CDCA2: variants seen among roughly 807,000 people sequenced by gnomAD.
CDCA2 encodes the protein cell division cycle associated 2.
CDCA2 carries 44 observed loss-of-function variants against 67.0 expected under a neutral mutation model. The ratio of observed to expected loss-of-function variants is 0.66; its 90% CI spans 0.52 to 0.84. CDCA2 has a LOEUF of 0.84. CDCA2 is among the 40% of genes least tolerant of loss of function. The pLI is 0.00. For missense variants in CDCA2, 1,253 were observed against 1,203.2 expected (o/e 1.04, Z -0.61); for synonymous variants, 447 against 418.7 (o/e 1.07, Z -0.82).
Position 25,488,672 on chromosome 8 carries a change from C to A in CDCA2, c.1654C>A (p.Leu552Ile). 1 of 1,607,870 alleles carries A rather than the reference C, an allele frequency of 6.2e-7. No homozygotes were observed. The highest frequency in any genetic ancestry group is 8.5e-7 in the Non-Finnish European group (1 of 1,177,912). ...AGAAACAAAGTGTACAAAGAGAGCACTTCCTAAGAAGAGTCAGGTAAGCAT... is the reference window on the plus strand; with the variant it reads ...AGAAACAAAGTGTACAAAGAGAGCAATTCCTAAGAAGAGTCAGGTAAGCAT... ...SQETKCTKRA[L>I]PKKSQVLKSC... The change falls in exon 13 of 15, where the codon CTT (leucine) becomes ATT (isoleucine). Residue 552 changes from leucine (L) to isoleucine (I), a missense_variant. Coordinates refer to ENST00000330560, the MANE Select transcript of CDCA2 (RefSeq NM_152562.4).
At chr8:25,465,562 T>A (rs551339920) in intron 4 of CDCA2, among the ~76,000 whole-genome samples, 1 of 152,304 alleles carries the variant, frequency 6.6e-6, no homozygotes, top group South Asian at 2.1e-4. Context: ...AGAGCTTCTG[T>A]GCTTATACCA....
At position 25,469,939 on chromosome 8, in the gene CDCA2, A is replaced by C. The variant is rs752880487; in HGVS notation, c.779A>C (p.Glu260Ala). Reference protein sequence around the residue: ...LGSTQSGFLVEESLPLSELTE... With the variant: ...LGSTQSGFLVAESLPLSELTE... ...TCAACACAGTCTGGATTTTTAGTTG[A>C]AGAGTCTCTTCCCCTTTCAGAGCTC... Residue 260 changes from glutamate (E) to alanine (A), a missense_variant, in exon 7 of 15, where the codon GAA becomes GCA. Physicochemically the swap from Glu to Ala is moderately radical, Grantham distance 107 (BLOSUM62 -1). Transcript: ENST00000330560. 6.2e-7 allele frequency: 1 copy of C among 1,612,090 alleles called. No individual in the cohort carries two copies.
intron 13 of CDCA2, among the ~76,000 whole-genome samples, chr8:25,494,412 C>T (rs6557845): frequency 0.96 from 146,527 of 152,338 alleles, 70,693 homozygotes; most frequent in East Asian, 1. Flanking sequence ...TTATATTGTA[C>T]TTGGTGTTAA....
At chr8:25,459,068 C>T (rs1405144163), upstream of CDCA2, 1 of 152,200 alleles carries the variant, frequency 6.6e-6, no homozygotes, top group East Asian at 1.9e-4. Flanking sequence ...GGTGGTCCCT[C>T]TCCGAGCCCA....
chr8:25,495,663 G>T (rs7839060), intron 13 of CDCA2, among the ~76,000 whole-genome samples: 40,496 of 151,930 alleles, frequency 0.27, 5,488 homozygotes, highest in East Asian at 0.3. Flanking sequence ...CTCGTGATCC[G>T]CCCACCTCGG....
At chr8:25,488,729 G>T in intron 13 of CDCA2, 40 bp downstream of exon 13, 1 of 1,488,526 alleles carries the variant, frequency 6.7e-7, no homozygotes. Flanking sequence ...AGTAGAAGTG[G>T]TGTGTTTCCT....
chr8:25,486,208 T>C (rs1207104888), intron 11 of CDCA2, among the ~76,000 whole-genome samples: 1 of 152,222 alleles, frequency 6.6e-6, no homozygotes. Context: ...TCAACATTCA[T>C]TGTGGCGTTT....
intron 7 of CDCA2, among the ~76,000 whole-genome samples, chr8:25,477,431 A>G (rs1271446178): frequency 6.6e-6 from 1 of 152,190 alleles, no homozygotes; most frequent in Non-Finnish European, 1.5e-5. Context: ...CAGGTTGAGC[A>G]TCTGTAAGCC....
intron 10 of CDCA2, among the ~76,000 whole-genome samples, chr8:25,485,414 T>G (rs1417365784): frequency 6.6e-6 from 1 of 151,954 alleles, no homozygotes; most frequent in African/African-American, 2.4e-5. Context: ...TGAATAACAT[T>G]ATAACGTTAG....
In CDCA2 at chr8:25,503,183, CT is replaced by C. The variant is rs546714289; in HGVS notation, c.1672-189del. Among the ~76,000 whole-genome samples, 266 of 152,188 alleles carry C rather than the reference CT, an allele frequency of 1.7e-3. 1 individual carries two copies. Among genetic ancestry groups the C allele is most frequent in the Admixed American group, 5.5e-3 (84 of 15,294 alleles). On this transcript the variant is annotated intron_variant, in intron 13 of 14. Coordinates refer to ENST00000330560, the MANE Select transcript of CDCA2 (RefSeq NM_152562.4). ...CCTGTGGTCCCAGCTACTTGGGAGG[CT>C]GAGATGGGAGGCTTGCTTGAGCCCA...
rs1428678184 is a variant in CDCA2 at position 25,462,279 on chromosome 8, G to C, written c.387+71G>C. ...TTTTGTGCTTTCTTTACACCTTCTA[G>C]TGCATCTGCTCTGTTTCAAATCTGG... is the stretch of plus-strand genomic sequence containing the variant. On this transcript the variant is annotated intron_variant, in intron 4 of 14. Transcript: ENST00000330560. 3.4e-6 allele frequency: 5 copies of C among 1,466,844 alleles called. No individual in the cohort carries two copies. In the Admixed American group the frequency reaches 8.6e-5, roughly 25 times the overall value. 90.9% of individuals were successfully genotyped at this position (1,466,844 alleles called of 1,614,324 possible).
At chr8:25,493,648 C>A (rs1024186896) in intron 13 of CDCA2, among the ~76,000 whole-genome samples, 2 of 152,306 alleles carry the variant, frequency 1.3e-5, no homozygotes, top group Admixed American at 6.5e-5. Flanking sequence ...TGACCTTCAG[C>A]ACAGGAAGAA....
intron 1 of CDCA2, among the ~76,000 whole-genome samples, chr8:25,459,946 A>G (rs1802610008): frequency 6.6e-6 from 1 of 152,224 alleles, no homozygotes. Flanking sequence ...AAACATAACG[A>G]AGTATAATTG....
rs116689952 is a variant in CDCA2 at position 25,504,908 on chromosome 8, G to A, written c.1843+1364G>A. ...CAGTCTCCTTGAGAGTGGAAACTAAGTCTTATTTTCATTACATCTCTAGTT... is the reference window on the plus strand; with the variant it reads ...CAGTCTCCTTGAGAGTGGAAACTAAATCTTATTTTCATTACATCTCTAGTT... On this transcript the variant is annotated intron_variant, in intron 14 of 14. Coordinates refer to ENST00000330560, the MANE Select transcript of CDCA2 (RefSeq NM_152562.4). Among the ~76,000 whole-genome samples the A allele has an allele frequency of 8.7e-3, 1,332 of 152,268 alleles. 21 individuals are homozygous for A. The highest frequency in any genetic ancestry group is 0.03 in the African/African-American group (1,244 of 41,556).
At chr8:25,492,545 T>TA in intron 13 of CDCA2, among the ~76,000 whole-genome samples, 1 of 152,158 alleles carries the variant, frequency 6.6e-6, no homozygotes, top group East Asian at 1.9e-4. Flanking sequence ...AAAGTCTATA[T>TA]AAAAGTTTTA....
intron 14 of CDCA2, among the ~76,000 whole-genome samples, chr8:25,504,287 ATTTT>A (rs200400976): frequency 7.0e-6 from 1 of 142,324 alleles, no homozygotes; most frequent in African/African-American, 2.6e-5. Flanking sequence ...AATAATAATG[ATTTT>A]TTTTTTTTTT....
intron 10 of CDCA2, 103 bp from the exon 11 acceptor site, chr8:25,485,653 CTTA>C (rs1484011886): frequency 3.5e-6 from 2 of 568,774 alleles, no homozygotes; most frequent in African/African-American, 1.9e-5. Flanking sequence ...CATCTTTATG[CTTA>C]TTATAGTTTC....
At chr8:25,491,765 C>T (rs569722722) in intron 13 of CDCA2, among the ~76,000 whole-genome samples, 7 of 152,076 alleles carry the variant, frequency 4.6e-5, no homozygotes, top group Middle Eastern at 3.4e-3. Context: ...TACAGGTGCA[C>T]GCCACCACGC....
At chr8:25,503,134 A>C (rs191872915) in intron 13 of CDCA2, among the ~76,000 whole-genome samples, 1 of 152,202 alleles carries the variant, frequency 6.6e-6, no homozygotes, top group African/African-American at 2.4e-5. Context: ...ATACAAAATA[A>C]AAAGCCAGTC....
Sources: allele counts gnomAD v4.1 joint callset (sites outside exome capture counted in the v4.1 genomes callset), GRCh38; gene constraint gnomAD v4.1.1; transcripts MANE v1.5; gene names NCBI Gene and HGNC (gene_info 2026-07-23, HGNC 2026-07-21).